TRMT9B: variants seen among roughly 807,000 people sequenced by gnomAD.
The protein encoded by TRMT9B is tRNA methyltransferase 9B (putative).
TRMT9B carries 16 observed loss-of-function variants against 11.5 expected under a neutral mutation model. The ratio of observed to expected loss-of-function variants is 1.39; its 90% confidence interval spans 0.94 to 2.11. The LOEUF (loss-of-function observed/expected upper bound fraction) is 2.11. Ranked by LOEUF, TRMT9B falls within the 30% of genes most tolerant of loss-of-function variation. The probability of loss-of-function intolerance (pLI) is 0.00; values close to 1 mark genes in which losing one functional copy is unlikely to be tolerated. For missense variants in TRMT9B, 941 were observed against 553.8 expected (o/e 1.70, Z -7.02); for synonymous variants, 274 against 192.4 (o/e 1.42, Z -3.51).
Position 13,022,115 on chromosome 8 carries a change from G to A in TRMT9B, c.*71G>A, listed in dbSNP as rs189258100. 2.7e-4 allele frequency: 289 copies of A among 1,078,654 alleles called. No individual in the cohort carries two copies. Among genetic ancestry groups the A allele is most frequent in the Non-Finnish European group, 9.6e-5 (72 of 753,580 alleles). The allele number at this position is 1,078,654 out of a possible 1,614,324, so 66.8% of individuals were successfully genotyped here. Reference sequence around the variant, plus strand: ...TCCTCTTGGTTTGATATGGTTACCTGAATTTGCATTCAGTGTTATTTGTTA... The same window carrying A: ...TCCTCTTGGTTTGATATGGTTACCTAAATTTGCATTCAGTGTTATTTGTTA... On this transcript the variant is annotated 3_prime_UTR_variant, in exon 5 of 5. Transcript: ENST00000524591.
chr8:12,987,849 A>T (rs1438252811), intron 1 of TRMT9B, among the ~76,000 whole-genome samples: 1 of 152,192 alleles, frequency 6.6e-6, no homozygotes, highest in African/African-American at 2.4e-5. Flanking sequence ...GTCTACATTC[A>T]TGATGGTGTG....
rs1444059902 is a variant in TRMT9B at position 13,026,962 on chromosome 8, C to G, written c.*4918C>G. 1 of 166,938 alleles carries G rather than the reference C, an allele frequency of 6.0e-6. No homozygotes were observed. The highest frequency in any genetic ancestry group is 2.4e-5 in the African/African-American group (1 of 41,430). 10.3% of individuals were successfully genotyped at this position (166,938 alleles called of 1,614,324 possible). On this transcript the variant is annotated 3_prime_UTR_variant, in exon 5 of 5. Transcript: ENST00000524591. The stretch of plus-strand genomic sequence containing the variant: ...CATATTTTCCCTTTTATCTTTTTTT[C>G]ATTTGTAAATCTGTTTCGATTTGAT...
intron 4 of TRMT9B, among the ~76,000 whole-genome samples, chr8:13,013,134 A>G (rs953240446): frequency 3.9e-5 from 6 of 152,218 alleles, no homozygotes; most frequent in Non-Finnish European, 8.8e-5. Flanking sequence ...GGATTAGAGG[A>G]ATCTTACTCA....
At position 13,026,689 on chromosome 8, in the gene TRMT9B, A is replaced by C. The variant is rs1208926586; in HGVS notation, c.*4645A>C. On this transcript the variant is annotated 3_prime_UTR_variant, in exon 5 of 5. Transcript: ENST00000524591. ...GAGGCAGAAAGAAATTAAATTGCTT[A>C]AGGTTACACACATAGTAGGTATCAC... 1 of 167,194 alleles carries C rather than the reference A, an allele frequency of 6.0e-6. No homozygotes were observed. Among genetic ancestry groups the C allele is most frequent in the Admixed American group, 6.5e-5 (1 of 15,290 alleles). The allele number at this position is 167,194 out of a possible 1,614,324, so 10.4% of individuals were successfully genotyped here.
At chr8:13,004,621 C>G (rs1030312512) in intron 2 of TRMT9B, among the ~76,000 whole-genome samples, 1 of 151,994 alleles carries the variant, frequency 6.6e-6, no homozygotes, top group Non-Finnish European at 1.5e-5. Flanking sequence ...GGACCCATCA[C>G]CTTCTGACTA....
At chr8:12,991,179 G>A (rs1187247647) in intron 2 of TRMT9B, 148 bp downstream of exon 2, 2 of 266,920 alleles carry the variant, frequency 7.5e-6, no homozygotes, top group African/African-American at 2.2e-5. Flanking sequence ...ATTTTTGCAT[G>A]AGGTGGAAAA....
Position 12,953,901 on chromosome 8 carries a change from G to T in TRMT9B, c.-200+7935G>T, listed in dbSNP as rs376980100. 4.6e-5 allele frequency among the ~76,000 whole-genome samples: 7 copies of T among 152,282 alleles called. No homozygotes were observed. In the East Asian group the frequency reaches 1.2e-3, roughly 25 times the overall value. Reference sequence around the variant, plus strand: ...GAACTGCTGCTTTATTAACGCATTTGATCAGATTTGAAAAGAGAGCTCTGT... The same window carrying T: ...GAACTGCTGCTTTATTAACGCATTTTATCAGATTTGAAAAGAGAGCTCTGT... On this transcript the variant is annotated intron_variant, in intron 1 of 4. Transcript: ENST00000524591.
At chr8:12,965,355 G>A (rs1469148144) in intron 1 of TRMT9B, among the ~76,000 whole-genome samples, 2 of 152,178 alleles carry the variant, frequency 1.3e-5, no homozygotes, top group African/African-American at 4.8e-5. Context: ...TGAACACAGA[G>A]CATAGAGATG....
chr8:13,004,196 C>T (rs1809990379), intron 2 of TRMT9B, among the ~76,000 whole-genome samples: 1 of 151,964 alleles, frequency 6.6e-6, no homozygotes, highest in African/African-American at 2.4e-5. Context: ...GGCTAAAGGG[C>T]TCTGGGGTAC....
At chr8:12,973,576 C>T (rs542303857) in intron 1 of TRMT9B, among the ~76,000 whole-genome samples, 14 of 152,208 alleles carry the variant, frequency 9.2e-5, no homozygotes, top group African/African-American at 3.1e-4. Context: ...ATGTGGGCCA[C>T]GAAAGACAGG....
intron 1 of TRMT9B, among the ~76,000 whole-genome samples, chr8:12,965,833 C>G (rs1221136170): frequency 6.9e-6 from 1 of 145,248 alleles, no homozygotes; most frequent in African/African-American, 2.6e-5. Context: ...GGCAACATGG[C>G]AAAACCCCAT....
chr8:12,948,689 G>T (rs1159543193), intron 1 of TRMT9B, among the ~76,000 whole-genome samples: 1 of 152,006 alleles, frequency 6.6e-6, no homozygotes, highest in East Asian at 1.9e-4. Context: ...GGCCAGGCAC[G>T]GTGGCTCATG....
chr8:12,987,246 TCC>T (rs1170735853), intron 1 of TRMT9B, among the ~76,000 whole-genome samples: 4 of 152,222 alleles, frequency 2.6e-5, no homozygotes, highest in Admixed American at 2.0e-4. Context: ...AACTAGTAGT[TCC>T]TATATTATAT....
intron 2 of TRMT9B, among the ~76,000 whole-genome samples, chr8:13,002,753 T>G (rs545384945): frequency 6.6e-6 from 1 of 152,084 alleles, no homozygotes; most frequent in Non-Finnish European, 1.5e-5. Flanking sequence ...GGTGAGCAAA[T>G]AAGAAACAAT....
chr8:12,980,514 G>T (rs538459868), intron 1 of TRMT9B, among the ~76,000 whole-genome samples: 1 of 152,160 alleles, frequency 6.6e-6, no homozygotes, highest in Non-Finnish European at 1.5e-5. Context: ...CCCTGCTCCC[G>T]TGTCTATGGT....
rs953556681 is a variant in TRMT9B at position 13,022,399 on chromosome 8, A to G, written c.*355A>G. 2 of 186,376 alleles carry G rather than the reference A, an allele frequency of 1.1e-5. No individual in the cohort carries two copies. The highest frequency in any genetic ancestry group is 4.8e-5 in the African/African-American group (2 of 42,090). The allele number at this position is 186,376 out of a possible 1,614,324, so 11.5% of individuals were successfully genotyped here. A position where few individuals can be genotyped will look rare whatever the true frequency, so the allele number is the denominator to read the frequency against. On this transcript the variant is annotated 3_prime_UTR_variant, in exon 5 of 5. Transcript: ENST00000524591. ...ATTTAAAAAGATTATGCTGTTAAAT[A>G]ATCTTTTAAAACGGTATTTTTATAA...
intron 4 of TRMT9B, among the ~76,000 whole-genome samples, 197 bp downstream of exon 4, chr8:13,013,054 A>T (rs571429440): frequency 9.2e-5 from 14 of 152,366 alleles, no homozygotes; most frequent in Middle Eastern, 3.4e-3. Context: ...TGATTGTTTT[A>T]ACTATTTAAA....
intron 3 of TRMT9B, 60 bp downstream of exon 3, chr8:13,006,416 T>G: frequency 6.6e-7 from 1 of 1,513,096 alleles, no homozygotes; most frequent in Non-Finnish European, 8.8e-7. Context: ...CTGACATAGG[T>G]AACCAGGCAG....
intron 1 of TRMT9B, among the ~76,000 whole-genome samples, chr8:12,987,217 C>A (rs954007468): frequency 3.9e-5 from 6 of 152,180 alleles, no homozygotes; most frequent in Non-Finnish European, 8.8e-5. Flanking sequence ...GGTCCTCCTT[C>A]TTATCTGTAA....
Sources: allele counts gnomAD v4.1 joint callset (sites outside exome capture counted in the v4.1 genomes callset), GRCh38; gene constraint gnomAD v4.1.1; transcripts MANE v1.5; gene names NCBI Gene and HGNC (gene_info 2026-07-23, HGNC 2026-07-21).